The following ADCY3 variants were observed in gnomAD, a reference collection of about 807,000 sequenced individuals.
ADCY3 encodes adenylate cyclase 3.
In ADCY3, 70 loss-of-function variants were observed where a neutral mutation model predicts 119.4. The observed-to-expected ratio is 0.59, with a 90% CI of 0.48 to 0.72. ADCY3 has a LOEUF of 0.72. Among genes scored for constraint, ADCY3 ranks in the 30% least tolerant of loss-of-function variants. ADCY3 has a pLI of 0.00. For synonymous variants in ADCY3, 672 were observed against 621.4 expected (o/e 1.08, Z -1.21); for missense variants, 1,238 against 1,541.6 (o/e 0.80, Z 3.30).
At chr2:24,871,328 G>A (rs1674983574) in intron 3 of ADCY3, among the ~76,000 whole-genome samples, 1 of 152,186 alleles carries the variant, frequency 6.6e-6, no homozygotes, top group East Asian at 1.9e-4. Context: ...CAGGTCACAG[G>A]GCCCAGGGGA....
Position 24,920,076 on chromosome 2 carries a change from C to A in ADCY3, c.-591G>T, listed in dbSNP as rs887424583. 5.5e-5 allele frequency among the ~76,000 whole-genome samples: 8 copies of A among 145,722 alleles called. No individual in the cohort carries two copies. The highest frequency in any genetic ancestry group is 1.1e-4 in the Non-Finnish European group (7 of 65,542). ...CCGCGGCGGCGGCGGCTGCTAGGGGCGCGCGCGGGGCCCTCCCCGGCGGGA... is the reference window on the plus strand; with the variant it reads ...CCGCGGCGGCGGCGGCTGCTAGGGGAGCGCGCGGGGCCCTCCCCGGCGGGA... On this transcript the variant is annotated 5_prime_UTR_variant, in exon 1 of 22. Coordinates refer to ENST00000679454, the MANE Select transcript of ADCY3 (RefSeq NM_004036.5). This position sits in a 1 kb window ranked among gnomAD's most constrained non-coding sequence, Gnocchi z 4.5.
intron 2 of ADCY3, among the ~76,000 whole-genome samples, chr2:24,892,413 C>T (rs1001519201): frequency 7.9e-5 from 12 of 152,012 alleles, no homozygotes; most frequent in Admixed American, 2.6e-4. Context: ...CAAGTGGGCC[C>T]GGCTAATTTT....
Position 24,834,934 on chromosome 2 carries a change from G to T in ADCY3, c.1665C>A (p.Ala555=). The T allele has an allele frequency of 1.2e-6, 2 of 1,613,074 alleles. No homozygotes were observed. Among genetic ancestry groups the T allele is most frequent in the Non-Finnish European group, 1.7e-6 (2 of 1,179,782 alleles). ...SEKPEEQDAQ[A]DNPSFPNPRR... is the part of the protein sequence containing the mutation. ...GTGGGTTGGGGAATGAGGGGTTGTCGGCCTGTGAGCCAGGGAGGCAGCGTG... is the reference window on the plus strand; with the variant it reads ...GTGGGTTGGGGAATGAGGGGTTGTCTGCCTGTGAGCCAGGGAGGCAGCGTG... The change falls in exon 10 of 22, where the codon GCC becomes GCA. Residue 555 remains alanine (A), a splice_region_variant and synonymous_variant. Transcript: ENST00000679454. This position sits in a 1 kb window ranked among gnomAD's most constrained non-coding sequence, Gnocchi z 4.2.
intron 2 of ADCY3, among the ~76,000 whole-genome samples, chr2:24,873,728 C>T (rs1675310352): frequency 2.0e-5 from 3 of 152,212 alleles, no homozygotes; most frequent in Admixed American, 2.0e-4. Context: ...TAAGCCTTTT[C>T]AAGCAAGGCC....
At chr2:24,829,412 ATTTTTTTTTTTTT>A (rs67246369) in intron 13 of ADCY3, among the ~76,000 whole-genome samples, 11 of 63,790 alleles carry the variant, frequency 1.7e-4, no homozygotes, top group Non-Finnish European at 2.5e-4. Context: ...GTGTGCTCCA[ATTTTTTTTTTTTT>A]TTTTTTTTTT....
intron 2 of ADCY3, among the ~76,000 whole-genome samples, chr2:24,894,088 T>C (rs2148951398): frequency 6.6e-6 from 1 of 152,362 alleles, no homozygotes; most frequent in Admixed American, 6.5e-5. Context: ...TATTGGCTTA[T>C]GAGTCATATC....
intron 7 of ADCY3, chr2:24,838,981 C>T (rs1381046479): frequency 3.9e-5 from 46 of 1,174,278 alleles, no homozygotes; most frequent in East Asian, 4.6e-5. Context: ...CTTGTTCTGT[C>T]GCCCAGGATG....
At chr2:24,861,603 A>C (rs1178240746) in intron 3 of ADCY3, among the ~76,000 whole-genome samples, 1 of 152,138 alleles carries the variant, frequency 6.6e-6, no homozygotes, top group Non-Finnish European at 1.5e-5. Flanking sequence ...ACAGGAGGAA[A>C]GTGAAACGGG....
chr2:24,873,213 G>GA (rs1340489171), intron 2 of ADCY3, among the ~76,000 whole-genome samples: 1 of 152,226 alleles, frequency 6.6e-6, no homozygotes, highest in Non-Finnish European at 1.5e-5. Context: ...AGCTCAGATG[G>GA]CTTGGGATGC....
intron 2 of ADCY3, among the ~76,000 whole-genome samples, chr2:24,888,442 G>C (rs140704779): frequency 6.6e-6 from 1 of 152,196 alleles, no homozygotes; most frequent in Non-Finnish European, 1.5e-5. Flanking sequence ...TGAACTGACC[G>C]ACTACCTCCC....
rs985394971 is a variant in ADCY3 at position 24,870,345 on chromosome 2, G to GA, written c.825+2224dup. On this transcript the variant is annotated intron_variant, in intron 3 of 21. Coordinates refer to ENST00000679454, the MANE Select transcript of ADCY3 (RefSeq NM_004036.5). ...TCAAAAAAAAAAAAAAAAAAAGAAA[G>GA]AAAAAAAAATCTCTCAAAAGTTTTA... Among the ~76,000 whole-genome samples the GA allele has an allele frequency of 7.8e-5, 11 of 141,488 alleles. No individual in the cohort carries two copies. The East Asian group carries it at 8.2e-4, about 11-fold the overall frequency. The allele number at this position is 141,488 out of a possible 152,430, so 92.8% of individuals were successfully genotyped here.
intron 2 of ADCY3, among the ~76,000 whole-genome samples, chr2:24,892,688 T>C (rs1677814947): frequency 6.6e-6 from 1 of 152,236 alleles, no homozygotes; most frequent in Non-Finnish European, 1.5e-5. Context: ...TGTCATTAGG[T>C]GCATACATAT....
chr2:24,841,801 C>G lies in ADCY3; in HGVS notation c.957-134G>C, dbSNP rs545838586. The stretch of plus-strand genomic sequence containing the variant: ...AAGGTCCTCCCTCACGACCCCCAGA[C>G]AGTGAGACCCTGACCCTTCCAGGTA... On this transcript the variant is annotated intron_variant, in intron 4 of 21. Coordinates refer to ENST00000679454, the MANE Select transcript of ADCY3 (RefSeq NM_004036.5). This position sits in a 1 kb window ranked among gnomAD's most constrained non-coding sequence, Gnocchi z 5.8. 5.8e-5 allele frequency: 39 copies of G among 668,122 alleles called. No homozygotes were observed. Among genetic ancestry groups the G allele is most frequent in the African/African-American group, 5.6e-4 (31 of 55,512 alleles). The allele number at this position is 668,122 out of a possible 1,614,324, so 41.4% of individuals were successfully genotyped here.
intron 2 of ADCY3, among the ~76,000 whole-genome samples, chr2:24,876,882 G>A (rs1448202979): frequency 6.6e-6 from 1 of 152,190 alleles, no homozygotes; most frequent in Non-Finnish European, 1.5e-5. Context: ...GCTGATCTGG[G>A]ATTAATTTTC....
At chr2:24,833,432 A>T (rs1365862366) in intron 11 of ADCY3, among the ~76,000 whole-genome samples, 1 of 152,174 alleles carries the variant, frequency 6.6e-6, no homozygotes. Flanking sequence ...CGTTACTGAA[A>T]TATTATCCTG....
At chr2:24,904,520 C>CA (rs1225215728) in intron 2 of ADCY3, among the ~76,000 whole-genome samples, 4 of 150,278 alleles carry the variant, frequency 2.7e-5, no homozygotes, top group African/African-American at 4.9e-5. Context: ...AATTCCATCT[C>CA]AAAAAAAAAG....
At chr2:24,849,942 C>T (rs572990982) in intron 3 of ADCY3, among the ~76,000 whole-genome samples, 1 of 152,162 alleles carries the variant, frequency 6.6e-6, no homozygotes, top group Admixed American at 6.5e-5. Flanking sequence ...TTGCCCAGCA[C>T]CCTCAGTGGT....
intron 3 of ADCY3, among the ~76,000 whole-genome samples, chr2:24,848,666 C>T (rs2148635369): frequency 6.6e-6 from 1 of 152,308 alleles, no homozygotes; most frequent in Non-Finnish European, 1.5e-5. Context: ...TAGAACAGTG[C>T]CTGGCCCACA....
chr2:24,872,818 C>A lies in ADCY3; in HGVS notation c.676-99G>T. On this transcript the variant is annotated intron_variant, in intron 2 of 21. Transcript: ENST00000679454. The surrounding 1 kb of genome is among the most constrained non-coding windows in gnomAD (Gnocchi z 4.4). ...ATGGAGGAGGTGGGGTGGGTGGTGA[C>A]CAAAATCAAACCTCAAGTTGCCCAA... 1 of 1,436,352 alleles carries A rather than the reference C, an allele frequency of 7.0e-7. No individual in the cohort carries two copies. The highest frequency in any genetic ancestry group is 9.5e-7 in the Non-Finnish European group (1 of 1,054,348). 89.0% of individuals were successfully genotyped at this position (1,436,352 alleles called of 1,614,324 possible).
Sources: gnomAD v4.1 joint callset for allele counts (sites outside exome capture counted in the v4.1 genomes callset) on GRCh38, gnomAD v4.1.1 for gene constraint, Gnocchi (gnomAD v3.1) non-coding constraint, MANE v1.5 for transcripts, NCBI Gene and HGNC (gene_info 2026-07-23, HGNC 2026-07-21) for gene names.